The following CANX variants were observed in gnomAD, a reference collection of about 807,000 sequenced individuals.
CANX encodes the protein calnexin, also known as epididymis secretory sperm binding protein.
CANX carries 14 observed loss-of-function variants against 75.7 expected under a neutral mutation model. That is an observed-to-expected ratio of 0.19 (90% CI 0.12 to 0.29). The LOEUF is 0.29. Among genes scored for constraint, CANX ranks in the 10% least tolerant of loss-of-function variants. The probability of loss-of-function intolerance (pLI) is 1.00; values close to 1 mark genes in which losing one functional copy is unlikely to be tolerated. For synonymous variants in CANX, 227 were observed against 236.9 expected (o/e 0.96, Z 0.38); for missense variants, 567 against 713.2 (o/e 0.79, Z 2.34).
At chr5:179,695,146 T>TTCACGC (rs1272762053), upstream of CANX, among the ~76,000 whole-genome samples, 2 of 151,726 alleles carry the variant, frequency 1.3e-5, no homozygotes, top group Non-Finnish European at 2.9e-5. Context: ...GCCTCCCGGG[T>TTCACGC]TCACGCCATT....
intron 4 of CANX, among the ~76,000 whole-genome samples, chr5:179,707,578 C>T (rs150391927): frequency 0.017 from 2,128 of 127,086 alleles, 64 homozygotes; most frequent in African/African-American, 0.057. Context: ...AGCGAGACTC[C>T]GTCTCAAAAA....
upstream of CANX, chr5:179,694,797 AAGT>A: frequency 1.8e-6 from 1 of 543,534 alleles, no homozygotes; most frequent in Non-Finnish European, 3.3e-6. Flanking sequence ...AAAAAAAAAA[AAGT>A]AAATGGATAA....
rs2113306237 is a variant in CANX, at chr5:179,730,218, TTATATTGGGAA to T, written c.*1575_*1585del. 6.5e-6 allele frequency: 1 copy of T among 152,770 alleles called. No individual in the cohort carries two copies. The highest frequency in any genetic ancestry group is 1.5e-5 in the Non-Finnish European group (1 of 68,036). 9.5% of individuals were successfully genotyped at this position (152,770 alleles called of 1,614,324 possible). On this transcript the variant is annotated 3_prime_UTR_variant, in exon 15 of 15. Coordinates refer to ENST00000247461, the MANE Select transcript of CANX (RefSeq NM_001746.4). ...TGAATATATAAACACTCCACAGTGT[TTATATTGGGAA>T]GATATTGGGAAGGAAATATATTTGT... is the stretch of plus-strand genomic sequence containing the variant.
rs1398453182 is a variant in CANX, at chr5:179,719,721, G to C, written c.965G>C (p.Gly322Ala). 1 of 1,613,364 alleles carries C rather than the reference G, an allele frequency of 6.2e-7. No homozygotes were observed. The highest frequency in any genetic ancestry group is 2.2e-5 in the East Asian group (1 of 44,886). The change falls in exon 9 of 15, where the codon GGC (glycine) becomes GCC (alanine). Residue 322 changes from glycine to alanine, a missense_variant. By Grantham distance (60) the Gly-to-Ala change is moderately conservative. This residue lies in a region of CANX where 351 missense variants were observed against 433.8 expected (regional missense o/e 0.81). Transcript: ENST00000247461. ...GATGAAGAGGCCACAAAACCCGAAG[G>C]CTGGTTAGATGATGAGCCTGAGTAC... ...IPDEEATKPE[G>A]WLDDEPEYVP...
intron 13 of CANX, among the ~76,000 whole-genome samples, chr5:179,725,189 CTGTTTGTT>C (rs144383488): frequency 6.6e-6 from 1 of 151,898 alleles, no homozygotes; most frequent in Admixed American, 6.6e-5. Context: ...CCATGCTCAG[CTGTTTGTT>C]TGTTTGTTTG....
chr5:179,691,436 G>A (rs1379851007), intron 1 of CANX, among the ~76,000 whole-genome samples: 1 of 152,122 alleles, frequency 6.6e-6, no homozygotes, highest in Non-Finnish European at 1.5e-5. Context: ...GCCGGGCACA[G>A]TGCTTCATGC....
intron 7 of CANX, chr5:179,715,862 G>T: frequency 3.7e-6 from 2 of 534,652 alleles, no homozygotes; most frequent in East Asian, 4.0e-5. Flanking sequence ...AGTCTTTGGT[G>T]TTAAAGATTT....
At position 179,699,150 on chromosome 5, in the gene CANX, G is replaced by A. The variant is rs755273025; in HGVS notation, c.-4+48G>A. ...GTCCTCGGGCCTGTGAGGACCTCGG[G>A]GGGCTGGGAGCGCCTCTGCGGCTGA... is the stretch of plus-strand genomic sequence containing the variant. On this transcript the variant is annotated intron_variant, in intron 1 of 14. Transcript: ENST00000247461. 97 of 981,816 alleles carry A rather than the reference G, an allele frequency of 9.9e-5. No individual in the cohort carries two copies. The African/African-American group carries it at 1.6e-3, about 17-fold the overall frequency. The allele number at this position is 981,816 out of a possible 1,614,324, so 60.8% of individuals were successfully genotyped here.
At chr5:179,727,920 G>A (rs2113294599) in intron 14 of CANX, among the ~76,000 whole-genome samples, 1 of 152,310 alleles carries the variant, frequency 6.6e-6, no homozygotes, top group South Asian at 2.1e-4. Flanking sequence ...GCACCTCTGT[G>A]TCTAAATCTG....
upstream of CANX, among the ~76,000 whole-genome samples, chr5:179,697,577 C>T (rs1204576806): frequency 6.6e-6 from 1 of 152,174 alleles, no homozygotes; most frequent in Non-Finnish European, 1.5e-5. Flanking sequence ...GCTGCTTCCC[C>T]AGGTAGACAG....
chr5:179,695,144 G>C (rs1776370562), upstream of CANX, among the ~76,000 whole-genome samples: 1 of 151,940 alleles, frequency 6.6e-6, no homozygotes, highest in Non-Finnish European at 1.5e-5. Flanking sequence ...CCGCCTCCCG[G>C]GTTCACGCCA....
At chr5:179,679,133 G>T (rs1775983341) in intron 1 of CANX, 1 of 1,535,702 alleles carries the variant, frequency 6.5e-7, no homozygotes, top group East Asian at 2.4e-5. Context: ...GCACTCGAAG[G>T]TTGCCAGGGC....
chr5:179,715,096 C>T (rs925433174), intron 7 of CANX, among the ~76,000 whole-genome samples: 2 of 152,164 alleles, frequency 1.3e-5, no homozygotes, highest in African/African-American at 2.4e-5. Context: ...AGTTCTTCCT[C>T]ACAGAAATAT....
chr5:179,679,733 A>G (rs1300060543), intron 1 of CANX, among the ~76,000 whole-genome samples: 1 of 151,946 alleles, frequency 6.6e-6, no homozygotes, highest in Non-Finnish European at 1.5e-5. Flanking sequence ...ATCTTGGCTC[A>G]CTGCAACCTC....
At position 179,724,731 on chromosome 5, in the gene CANX, G is replaced by T; in HGVS notation, c.1593G>T (p.Lys531Asn). The change falls in exon 13 of 15, where the codon AAG becomes AAT. Residue 531 changes from lysine to asparagine, a missense_variant. By Grantham distance (94) the Lys-to-Asn change is moderately conservative (BLOSUM62 0). Around this residue, in one of 3 missense-constraint regions of CANX, gnomAD observed 167 missense variants for 179.3 expected, o/e 0.93. Coordinates refer to ENST00000247461, the MANE Select transcript of CANX (RefSeq NM_001746.4). ...QPDVKEEEEE[K>N]EEEKDKGDEE... ...ATGTGAAGGAAGAGGAAGAAGAGAA[G>T]GAAGAGGAAAAGGACAAGGGAGATG... The T allele has an allele frequency of 6.2e-7, 1 of 1,612,248 alleles. No homozygotes were observed. Among genetic ancestry groups the T allele is most frequent in the South Asian group, 1.1e-5 (1 of 91,044 alleles).
chr5:179,721,062 G>T (rs1778283329), intron 10 of CANX, among the ~76,000 whole-genome samples: 1 of 151,782 alleles, frequency 6.6e-6, no homozygotes, highest in Admixed American at 6.6e-5. Flanking sequence ...GATTACAGGC[G>T]TGAGCCACTG....
chr5:179,710,063 TA>T lies in CANX; in HGVS notation c.721del (p.Ile241SerfsTer2). The T allele has an allele frequency of 6.4e-7, 1 of 1,553,170 alleles. No homozygotes were observed. Among genetic ancestry groups the T allele is most frequent in the Non-Finnish European group, 8.8e-7 (1 of 1,134,276 alleles). Reference protein sequence around the residue: ...FTDKKTHLYTLILNPDNSFEI... With the variant: ...FTDKKTHLYTXILNPDNSFEI... The stretch of plus-strand genomic sequence containing the variant: ...GATAAGAAAACACATCTTTACACAC[TA>T]AGTAAGAAAAAGCATTAGTTTGGGG... On this transcript the variant is annotated frameshift_variant and splice_region_variant, in exon 7 of 15. Transcript: ENST00000247461. LOFTEE classifies it high-confidence loss of function.
upstream of CANX, chr5:179,694,706 T>A: frequency 1.4e-6 from 1 of 698,264 alleles, no homozygotes; most frequent in East Asian, 2.6e-5. Context: ...CTGCTAAAGT[T>A]GCCTGGAAAA....
chr5:179,703,202 C>CG (rs1464201515), intron 1 of CANX, among the ~76,000 whole-genome samples: 1 of 151,528 alleles, frequency 6.6e-6, no homozygotes, highest in Non-Finnish European at 1.5e-5. Flanking sequence ...CGTGAGCCAC[C>CG]GCGCCTGGTG....
Sources: gnomAD v4.1 joint callset for allele counts (sites outside exome capture counted in the v4.1 genomes callset) on GRCh38, gnomAD v4.1.1 for gene constraint, gnomAD v4.1.1 regional missense constraint, MANE v1.5 for transcripts, NCBI Gene and HGNC (gene_info 2026-07-23, HGNC 2026-07-21) for gene names.